Variants in CCDC6 observed in about 807,000 individuals in gnomAD.
CCDC6 encodes coiled-coil domain containing 6.
CCDC6 carries 20 observed loss-of-function variants against 56.6 expected under a neutral mutation model. The ratio of observed to expected loss-of-function variants is 0.35; its 90% CI spans 0.25 to 0.51. The LOEUF is 0.51. Among genes scored for constraint, CCDC6 ranks in the 20% least tolerant of loss-of-function variants. The pLI is 0.95. For missense variants in CCDC6, 367 were observed against 601.1 expected, an observed-to-expected ratio of 0.61 and a Z score of 4.07; for synonymous variants, 241 against 234.4, an observed-to-expected ratio of 1.03 and a Z score of -0.26.
intron 1 of CCDC6, among the ~76,000 whole-genome samples, chr10:59,862,172 T>C (rs1274066564): frequency 1.3e-5 from 2 of 152,016 alleles, no homozygotes; most frequent in East Asian, 1.9e-4. Context: ...GTATCCTACA[T>C]AAAGAACAAC....
At chr10:59,901,443 A>G (rs1004690766) in intron 1 of CCDC6, among the ~76,000 whole-genome samples, 4 of 152,224 alleles carry the variant, frequency 2.6e-5, no homozygotes, top group African/African-American at 7.2e-5. Flanking sequence ...GGCAGATTTT[A>G]TTGGTTAATG....
At position 59,812,705 on chromosome 10, in the gene CCDC6, C is replaced by T; in HGVS notation, c.777G>A (p.Met259Ile). Residue 259 changes from methionine to isoleucine, a missense_variant, in exon 5 of 9, where the codon ATG becomes ATA. This residue lies in a region of CCDC6 where 81 missense variants were observed against 150.8 expected (regional missense o/e 0.54). Transcript: ENST00000263102. ...SMEIDSPENM[M>I]RHIRFLKNEV... is the part of the protein sequence containing the mutation. Reference sequence around the variant, plus strand: ...CATTCTTTAAAAACCTGATGTGACGCATCATATTTTCTGGAGAATCAATCT... The same window carrying T: ...CATTCTTTAAAAACCTGATGTGACGTATCATATTTTCTGGAGAATCAATCT... 1 of 1,612,968 alleles carries T rather than the reference C, an allele frequency of 6.2e-7. No homozygotes were observed. The highest frequency in any genetic ancestry group is 8.5e-7 in the Non-Finnish European group (1 of 1,179,088).
At chr10:59,863,725 T>C (rs2071154030) in intron 1 of CCDC6, among the ~76,000 whole-genome samples, 3 of 152,334 alleles carry the variant, frequency 2.0e-5, no homozygotes, top group African/African-American at 7.2e-5. Flanking sequence ...CTCTATAACA[T>C]GCACGCTTTT....
intron 1 of CCDC6, among the ~76,000 whole-genome samples, chr10:59,879,971 G>C (rs1342600933): frequency 6.6e-6 from 1 of 151,996 alleles, no homozygotes; most frequent in Non-Finnish European, 1.5e-5. Context: ...TTTACATTTT[G>C]ATAAAACCGA....
chr10:59,826,600 T>G (rs1385426545), intron 3 of CCDC6, among the ~76,000 whole-genome samples: 1 of 152,212 alleles, frequency 6.6e-6, no homozygotes, highest in Non-Finnish European at 1.5e-5. Flanking sequence ...TAGAAGAGTT[T>G]GTGACACACA....
In CCDC6 at chr10:59,880,416, T is replaced by C. The variant is rs189090725; in HGVS notation, c.303+25706A>G. 3.3e-5 allele frequency among the ~76,000 whole-genome samples: 5 copies of C among 152,308 alleles called. No homozygotes were observed. The East Asian group carries it at 9.6e-4, about 29-fold the overall frequency. On this transcript the variant is annotated intron_variant, in intron 1 of 8. Transcript: ENST00000263102. ...TAGATAAATCCCACAGACATAATGC[T>C]GGGAGAAAGACATTAAACACTTAAA...
Position 59,837,697 on chromosome 10 carries a change from G to A in CCDC6, c.454-5044C>T, listed in dbSNP as rs1298485787. ...GGAAGTGGAGGTTGCAGTTAGCCGA[G>A]ATCGCACCACTGCACTCTAGCCTGG... On this transcript the variant is annotated intron_variant, in intron 2 of 8. Transcript: ENST00000263102. 6.7e-5 allele frequency among the ~76,000 whole-genome samples: 9 copies of A among 134,128 alleles called. No homozygotes were observed. In the East Asian group the frequency reaches 2.0e-3, roughly 31 times the overall value. 88.0% of individuals were successfully genotyped at this position (134,128 alleles called of 152,430 possible).
intron 1 of CCDC6, among the ~76,000 whole-genome samples, chr10:59,905,792 C>A (rs1295232596): frequency 6.6e-6 from 1 of 152,192 alleles, no homozygotes; most frequent in African/African-American, 2.4e-5. Context: ...TGAAAAAAGT[C>A]CTACCCCGCC....
At chr10:59,847,498 T>A (rs1333434485) in intron 2 of CCDC6, among the ~76,000 whole-genome samples, 1 of 152,164 alleles carries the variant, frequency 6.6e-6, no homozygotes, top group Non-Finnish European at 1.5e-5. Flanking sequence ...AAGAATCTCC[T>A]GTCACTTGCA....
chr10:59,793,960 T>G (rs2070490804), intron 8 of CCDC6, among the ~76,000 whole-genome samples: 1 of 152,188 alleles, frequency 6.6e-6, no homozygotes, highest in African/African-American at 2.4e-5. Flanking sequence ...ACTAGCTACA[T>G]TTCTAATGGC....
In CCDC6 at chr10:59,887,827, C is replaced by T. The variant is rs187491608; in HGVS notation, c.303+18295G>A. Among the ~76,000 whole-genome samples the T allele has an allele frequency of 1.6e-4, 24 of 152,176 alleles. 1 individual carries two copies. The East Asian group carries it at 4.1e-3, about 26-fold the overall frequency. ...TATCAGACCCTTTTTTTAACCTCCT[C>T]CTCTGCCAAGGAGCTAACAGAGGAG... is the stretch of plus-strand genomic sequence containing the variant. On this transcript the variant is annotated intron_variant, in intron 1 of 8. Transcript: ENST00000263102.
At chr10:59,849,714 G>C (rs572195824) in intron 2 of CCDC6, among the ~76,000 whole-genome samples, 23 of 152,252 alleles carry the variant, frequency 1.5e-4, no homozygotes, top group Non-Finnish European at 2.6e-4. Flanking sequence ...ATTTGTCTGT[G>C]AGTGACACTT....
At chr10:59,849,538 G>C (rs1159161780) in intron 2 of CCDC6, among the ~76,000 whole-genome samples, 2 of 152,246 alleles carry the variant, frequency 1.3e-5, no homozygotes, top group Admixed American at 1.3e-4. Context: ...TTTGTTCTCA[G>C]GATCAAAAAA....
At chr10:59,876,885 G>C (rs2071286972) in intron 1 of CCDC6, among the ~76,000 whole-genome samples, 1 of 152,128 alleles carries the variant, frequency 6.6e-6, no homozygotes, top group Admixed American at 6.5e-5. Context: ...ATTGTTAGGT[G>C]ATTTCATCAT....
At chr10:59,875,577 A>T (rs2132671461) in intron 1 of CCDC6, among the ~76,000 whole-genome samples, 1 of 152,318 alleles carries the variant, frequency 6.6e-6, no homozygotes, top group Non-Finnish European at 1.5e-5. Context: ...AAAGTTGCTG[A>T]TCTGTTGAAA....
At position 59,814,690 on chromosome 10, in the gene CCDC6, G is replaced by A; in HGVS notation, c.648C>T (p.Arg216=). The change falls in exon 4 of 9, where the codon CGC becomes CGT. Residue 216 remains arginine (R), a synonymous_variant. Coordinates refer to ENST00000263102, the MANE Select transcript of CCDC6 (RefSeq NM_005436.5). ...LEQEQEALVN[R]LWKRMDKLEA... is the part of the protein sequence containing the mutation. ...CAAGCTTATCCATCCTTTTCCAGAG[G>A]CGATTAACTAGTGCTTCTTGTTCTT... 1 of 1,613,466 alleles carries A rather than the reference G, an allele frequency of 6.2e-7. No homozygotes were observed. Among genetic ancestry groups the A allele is most frequent in the Non-Finnish European group, 8.5e-7 (1 of 1,179,570 alleles).
chr10:59,824,053 T>C (rs1230761154), intron 3 of CCDC6, among the ~76,000 whole-genome samples: 1 of 152,212 alleles, frequency 6.6e-6, no homozygotes. Flanking sequence ...CCTTCCATCA[T>C]GTAACATCAT....
rs959954396 is a variant in CCDC6 at position 59,898,312 on chromosome 10, C to A, written c.303+7810G>T. Among the ~76,000 whole-genome samples the A allele has an allele frequency of 2.6e-5, 4 of 152,330 alleles. 1 individual carries two copies. The highest frequency in any genetic ancestry group is 1.5e-5 in the Non-Finnish European group (1 of 68,028). ...ACAAAAATTAAAAACAAACCAAAAG[C>A]CTCCCAGTGCCACCTCAGCATAAAT... On this transcript the variant is annotated intron_variant, in intron 1 of 8. Transcript: ENST00000263102.
At chr10:59,797,780 A>C (rs2070536561) in intron 7 of CCDC6, among the ~76,000 whole-genome samples, 1 of 151,884 alleles carries the variant, frequency 6.6e-6, no homozygotes, top group Non-Finnish European at 1.5e-5. Context: ...AAGGAATGAA[A>C]GCCCTGCCAA....
Sources: allele counts gnomAD v4.1 joint callset (sites outside exome capture counted in the v4.1 genomes callset), GRCh38; gene constraint gnomAD v4.1.1; regional missense constraint gnomAD v4.1.1; transcripts MANE v1.5; gene names NCBI Gene and HGNC (gene_info 2026-07-23, HGNC 2026-07-21).